Variants in ITGB1 observed in about 807,000 individuals in gnomAD.
ITGB1 encodes the protein integrin subunit beta 1.
In ITGB1, 24 loss-of-function variants were observed where a neutral mutation model predicts 86.5. The ratio of observed to expected loss-of-function variants is 0.28; its 90% CI spans 0.20 to 0.39. ITGB1 has a LOEUF of 0.39. ITGB1 is among the 10% of genes least tolerant of loss of function. The pLI, the probability that ITGB1 is intolerant of heterozygous loss-of-function variation, is 1.00. For missense variants in ITGB1, 556 were observed against 946.9 expected (o/e 0.59, Z 5.42); for synonymous variants, 323 against 316.8 (o/e 1.02, Z -0.21).
intron 1 of ITGB1, among the ~76,000 whole-genome samples, chr10:32,940,184 A>G (rs546833414): frequency 1.3e-5 from 2 of 152,090 alleles, no homozygotes; most frequent in Non-Finnish European, 2.9e-5. Context: ...TCTCTACAAA[A>G]AAATACAAAA....
chr10:32,917,194 A>G (rs1164290739), intron 11 of ITGB1, among the ~76,000 whole-genome samples: 1 of 152,238 alleles, frequency 6.6e-6, no homozygotes, highest in East Asian at 1.9e-4. Context: ...AATTAATTCA[A>G]GATGGATTAA....
chr10:32,920,962 AAC>A (rs2094947614), intron 9 of ITGB1, among the ~76,000 whole-genome samples: 1 of 151,782 alleles, frequency 6.6e-6, no homozygotes, highest in Admixed American at 6.6e-5. Flanking sequence ...CAGCCTGAGC[AAC>A]AGAGTGCGAC....
chr10:32,957,216 T>A (rs1452725770), intron 1 of ITGB1, among the ~76,000 whole-genome samples: 1 of 152,208 alleles, frequency 6.6e-6, no homozygotes, highest in Admixed American at 6.5e-5. Flanking sequence ...GCTTAGAGAA[T>A]GCAACTTACT....
intron 1 of ITGB1, among the ~76,000 whole-genome samples, chr10:32,947,432 C>CGTGTGTGTGTGTGTGT (rs1186872641): frequency 0.017 from 2,384 of 137,320 alleles, 69 homozygotes; most frequent in South Asian, 0.046. Context: ...CACATATAGC[C>CGTGTGTGTGTGTGTGT]GTGTGTGTGT....
intron 5 of ITGB1, 86 bp downstream of exon 5, chr10:32,928,004 TGTGA>T (rs1420713990): frequency 1.3e-6 from 1 of 772,316 alleles, no homozygotes; most frequent in Admixed American, 2.5e-5. Flanking sequence ...ACAAGTATGT[TGTGA>T]GTAACAAAGG....
intron 11 of ITGB1, among the ~76,000 whole-genome samples, chr10:32,915,206 G>A (rs113636389): frequency 2.0e-5 from 3 of 152,136 alleles, no homozygotes; most frequent in Admixed American, 2.0e-4. Flanking sequence ...GCCCACAAGA[G>A]AAAGCAGGAA....
intron 1 of ITGB1, among the ~76,000 whole-genome samples, chr10:32,936,870 T>G (rs2095003674): frequency 6.6e-6 from 1 of 152,208 alleles, no homozygotes; most frequent in Non-Finnish European, 1.5e-5. Flanking sequence ...AAGTTTAGGT[T>G]TAATCGTTAT....
At chr10:32,914,980 G>A (rs1025017143) in intron 11 of ITGB1, among the ~76,000 whole-genome samples, 3 of 152,220 alleles carry the variant, frequency 2.0e-5, no homozygotes, top group African/African-American at 4.8e-5. Context: ...AGACCACAGT[G>A]CAATCAAGCT....
chr10:32,902,952 T>C (rs982542531), intron 15 of ITGB1, among the ~76,000 whole-genome samples: 6 of 152,128 alleles, frequency 3.9e-5, no homozygotes, highest in African/African-American at 7.2e-5. Flanking sequence ...CATTGTGAAA[T>C]TGACTAGAAA....
intron 1 of ITGB1, among the ~76,000 whole-genome samples, chr10:32,941,386 G>GT (rs2095017882): frequency 6.6e-6 from 1 of 152,044 alleles, no homozygotes; most frequent in African/African-American, 2.4e-5. Flanking sequence ...ATTTTCTATT[G>GT]TAAGTATAAG....
chr10:32,944,637 A>G (rs2095027058), intron 1 of ITGB1: 3 of 611,218 alleles, frequency 4.9e-6, no homozygotes, highest in Non-Finnish European at 9.5e-6. Flanking sequence ...CTCACTTAGT[A>G]TAGCTAGCTG....
intron 5 of ITGB1, among the ~76,000 whole-genome samples, chr10:32,926,390 G>A (rs2094964628): frequency 6.6e-6 from 1 of 152,186 alleles, no homozygotes; most frequent in African/African-American, 2.4e-5. Context: ...CAAGTCTCAT[G>A]TTAAAATGTG....
Position 32,917,327 on chromosome 10 carries a change from C to G in ITGB1, c.1469+2558G>C, listed in dbSNP as rs997360633. ...ACACCAAAAGCAATGGCAACAAAAG[C>G]CAAAATTGACAAATGGGATCTAATT... On this transcript the variant is annotated intron_variant, in intron 11 of 15. Transcript: ENST00000302278. 2.6e-5 allele frequency among the ~76,000 whole-genome samples: 4 copies of G among 152,232 alleles called. 1 individual carries two copies. Among genetic ancestry groups the G allele is most frequent in the Admixed American group, 2.6e-4 (4 of 15,290 alleles).
intron 9 of ITGB1, among the ~76,000 whole-genome samples, chr10:32,920,982 A>AAAAAAC (rs71030022): frequency 0.13 from 19,480 of 149,636 alleles, 1,609 homozygotes; most frequent in East Asian, 0.23. Flanking sequence ...GACTCCATCT[A>AAAAAAC]AAAAACAAAA....
rs1056276129 is a variant in ITGB1 at position 32,929,960 on chromosome 10, T to G, written c.238A>C (p.Ile80Leu). 2.1e-6 allele frequency: 3 copies of G among 1,402,294 alleles called. No homozygotes were observed. Among genetic ancestry groups the G allele is most frequent in the Non-Finnish European group, 3.0e-6 (3 of 986,262 alleles). The allele number at this position is 1,402,294 out of a possible 1,614,324, so 86.9% of individuals were successfully genotyped here. A position where few individuals can be genotyped will look rare whatever the true frequency, so the allele number is the denominator to read the frequency against. ...TCTTTGGAGCCTCTGGGATTTTCTA[T>G]GTCATCTGGAGGGCAACCCTTCTTT... ...LKKKGCPPDD[I>L]ENPRGSKDIK... The change falls in exon 4 of 16, where the codon ATA becomes CTA. Residue 80 changes from isoleucine (I) to leucine (L), a missense_variant. Ile to Leu is a conservative substitution (Grantham distance 5, BLOSUM62 2). This residue lies in a region of ITGB1 where 183 missense variants were observed against 263.9 expected (regional missense o/e 0.69). Coordinates refer to ENST00000302278, the MANE Select transcript of ITGB1 (RefSeq NM_002211.4).
intron 14 of ITGB1, among the ~76,000 whole-genome samples, chr10:32,909,800 T>C (rs1234453318): frequency 6.6e-6 from 1 of 152,088 alleles, no homozygotes; most frequent in Non-Finnish European, 1.5e-5. Flanking sequence ...AAAAAAAGTT[T>C]CACCTCCGGA....
chr10:32,942,888 C>T (rs1430855634), intron 1 of ITGB1, among the ~76,000 whole-genome samples: 1 of 151,782 alleles, frequency 6.6e-6, no homozygotes, highest in Non-Finnish European at 1.5e-5. Flanking sequence ...TTAGCCTGGG[C>T]AACATAGCAA....
chr10:32,915,707 G>A (rs570029818), intron 11 of ITGB1, among the ~76,000 whole-genome samples: 19 of 152,262 alleles, frequency 1.2e-4, no homozygotes, highest in Non-Finnish European at 2.4e-4. Flanking sequence ...AAGACCAGAC[G>A]GATTCACAGC....
chr10:32,913,728 T>A (rs189889465), intron 11 of ITGB1, among the ~76,000 whole-genome samples: 10 of 152,276 alleles, frequency 6.6e-5, no homozygotes, highest in African/African-American at 2.2e-4. Context: ...TGGAACCAAG[T>A]TGGAAAACAT....
Sources: allele counts gnomAD v4.1 joint callset (sites outside exome capture counted in the v4.1 genomes callset), GRCh38; gene constraint gnomAD v4.1.1; regional missense constraint gnomAD v4.1.1; transcripts MANE v1.5; gene names NCBI Gene and HGNC (gene_info 2026-07-23, HGNC 2026-07-21).